Variants in OR2C1 observed in about 807,000 individuals in gnomAD.
The protein encoded by OR2C1 is olfactory receptor 2C1.
For synonymous variants in OR2C1, 209 were observed against 167.3 expected (o/e 1.25, Z -1.92); for missense variants, 468 against 388.3 (o/e 1.21, Z -1.73).
the OR2C1 span, among the ~76,000 whole-genome samples, chr16:3,335,441 C>G: frequency 1.3e-5 from 2 of 150,576 alleles, no homozygotes; most frequent in Non-Finnish European, 3.0e-5. Flanking sequence ...TTATTTGAAG[C>G]TATTGCAAGT....
At chr16:3,333,429 G>A in the OR2C1 span, among the ~76,000 whole-genome samples, 3 of 151,748 alleles carry the variant, frequency 2.0e-5, no homozygotes, top group Non-Finnish European at 4.4e-5. Flanking sequence ...TCCGCCTCCC[G>A]GGTTCGCGCC....
chr16:3,346,973 G>A, the OR2C1 span, among the ~76,000 whole-genome samples: 3 of 150,180 alleles, frequency 2.0e-5, no homozygotes, highest in Non-Finnish European at 4.4e-5. Flanking sequence ...GGCCAGTCGC[G>A]GTGGCTCACA....
At chr16:3,333,210 C>CTTTTTTTTTTTTTTTTTTTTTT in the OR2C1 span, among the ~76,000 whole-genome samples, 1 of 33,030 alleles carries the variant, frequency 3.0e-5, no homozygotes, top group Non-Finnish European at 6.7e-5. Flanking sequence ...ATCTTTTGCC[C>CTTTTTTTTTTTTTTTTTTTTTT]ATTTTTTTTT....
chr16:3,334,478 A>G, the OR2C1 span, among the ~76,000 whole-genome samples: 1 of 149,872 alleles, frequency 6.7e-6, no homozygotes, highest in East Asian at 2.0e-4. Context: ...GGGTTTTACC[A>G]TGTTGCCCAG....
At chr16:3,347,857 CACGCGCACACACACACGCACAT>C in the OR2C1 span, among the ~76,000 whole-genome samples, 4 of 63,586 alleles carry the variant, frequency 6.3e-5, no homozygotes, top group Non-Finnish European at 1.2e-4. Context: ...CACACGCACA[CACGCGCACACACACACGCACAT>C]GCACACATGC....
the OR2C1 span, among the ~76,000 whole-genome samples, chr16:3,335,663 A>T: frequency 1.3e-5 from 2 of 150,728 alleles, no homozygotes; most frequent in African/African-American, 4.9e-5. Context: ...AGTAGCTGGG[A>T]TTACAGGCGC....
chr16:3,339,557 C>T, the OR2C1 span, among the ~76,000 whole-genome samples: 11 of 152,198 alleles, frequency 7.2e-5, no homozygotes, highest in African/African-American at 2.4e-4. Flanking sequence ...CCTGGGTTTA[C>T]GACATTCTCC....
the OR2C1 span, among the ~76,000 whole-genome samples, chr16:3,329,729 G>C: frequency 7.1e-6 from 1 of 140,436 alleles, no homozygotes; most frequent in African/African-American, 2.7e-5. Flanking sequence ...GATTACAGGC[G>C]TGAGCCACGG....
chr16:3,357,318 A>C (rs1359927588), downstream of OR2C1: 1 of 167,924 alleles, frequency 6.0e-6, no homozygotes, highest in Non-Finnish European at 1.4e-5. Context: ...ATGAAGACCC[A>C]AACAATTCAT....
the OR2C1 span, among the ~76,000 whole-genome samples, chr16:3,339,142 A>T: frequency 6.6e-6 from 1 of 152,166 alleles, no homozygotes; most frequent in Non-Finnish European, 1.5e-5. Flanking sequence ...TCTCTCATTT[A>T]GCCTAATGTT....
the OR2C1 span, among the ~76,000 whole-genome samples, chr16:3,333,860 G>C: frequency 1.3e-5 from 2 of 151,950 alleles, no homozygotes; most frequent in Non-Finnish European, 2.9e-5. Flanking sequence ...TCCATTTTGA[G>C]TTGATTTTTG....
At chr16:3,352,364 C>T (rs550747543), upstream of OR2C1, among the ~76,000 whole-genome samples, 3 of 152,254 alleles carry the variant, frequency 2.0e-5, no homozygotes, top group Non-Finnish European at 4.4e-5. Context: ...ATCCACCCGC[C>T]TCGGCCTCCC....
chr16:3,357,568 C>G (rs1052077306), downstream of OR2C1, among the ~76,000 whole-genome samples: 12 of 152,196 alleles, frequency 7.9e-5, no homozygotes, highest in African/African-American at 2.9e-4. Flanking sequence ...TGGGGTCTCA[C>G]TCTGTTAACA....
At chr16:3,339,265 T>C in the OR2C1 span, among the ~76,000 whole-genome samples, 1 of 151,078 alleles carries the variant, frequency 6.6e-6, no homozygotes, top group Admixed American at 6.6e-5. Flanking sequence ...CATCTGTTGA[T>C]GAACATTAGT....
At chr16:3,326,802 C>A in the OR2C1 span, among the ~76,000 whole-genome samples, 1 of 152,168 alleles carries the variant, frequency 6.6e-6, no homozygotes, top group Non-Finnish European at 1.5e-5. Flanking sequence ...AGTAGCTGTT[C>A]ACAATCTTCT....
chr16:3,337,391 A>G, the OR2C1 span, among the ~76,000 whole-genome samples: 2 of 149,742 alleles, frequency 1.3e-5, no homozygotes, highest in African/African-American at 4.9e-5. Context: ...CTGGTCTCGA[A>G]CTCCTGAGCT....
At position 3,356,283 on chromosome 16, in the gene OR2C1, C is replaced by A; in HGVS notation, c.343C>A (p.Leu115Met). Residue 115 changes from leucine to methionine, a missense_variant, in exon 1 of 1, where the codon CTG becomes ATG. Physicochemically the swap from Leu to Met is conservative, Grantham distance 15. Coordinates refer to ENST00000304936, the MANE Select transcript of OR2C1 (RefSeq NM_012368.3). Reference protein sequence around the residue: ...LWLGATECILLVVMAFDRYVA... With the variant: ...LWLGATECILMVVMAFDRYVA... ...GCTGGGGGCCACCGAGTGCATCCTG[C>A]TGGTGGTGATGGCATTTGACCGCTA... The A allele has an allele frequency of 6.2e-7, 1 of 1,613,768 alleles. No individual in the cohort carries two copies. Among genetic ancestry groups the A allele is most frequent in the Non-Finnish European group, 8.5e-7 (1 of 1,179,992 alleles).
chr16:3,347,064 A>G, the OR2C1 span, among the ~76,000 whole-genome samples: 1 of 150,722 alleles, frequency 6.6e-6, no homozygotes, highest in Non-Finnish European at 1.5e-5. Context: ...GGCCAACATG[A>G]TGAAACCTCA....
chr16:3,350,814 A>T, the OR2C1 span, among the ~76,000 whole-genome samples: 1 of 151,894 alleles, frequency 6.6e-6, no homozygotes, highest in Non-Finnish European at 1.5e-5. Flanking sequence ...ACAAACAAAC[A>T]AAAGCCCTTT....
Sources: gnomAD v4.1 joint callset for allele counts (sites outside exome capture counted in the v4.1 genomes callset) on GRCh38, gnomAD v4.1.1 for gene constraint, MANE v1.5 for transcripts, NCBI Gene and HGNC (gene_info 2026-07-23, HGNC 2026-07-21) for gene names.